Variants in VWA2 observed in about 807,000 individuals in gnomAD.
The protein encoded by VWA2 is von Willebrand factor A domain-containing protein 2.
A neutral mutation model predicts 70.4 loss-of-function variants in VWA2; 73 were observed. The ratio of observed to expected loss-of-function variants is 1.04; its 90% CI spans 0.86 to 1.26. The LOEUF (loss-of-function observed/expected upper bound fraction) is 1.26, where lower values mean the gene tolerates loss of function less well. Ranked by LOEUF, VWA2 falls within the 50% of genes most tolerant of loss-of-function variation. VWA2 has a pLI of 0.00. For synonymous variants in VWA2, 407 were observed against 423.3 expected (o/e 0.96, Z 0.47); for missense variants, 1,011 against 998.5 (o/e 1.01, Z -0.17).
At chr10:114,252,773 A>G (rs1473156589) in intron 2 of VWA2, among the ~76,000 whole-genome samples, 3 of 151,842 alleles carry the variant, frequency 2.0e-5, no homozygotes, top group African/African-American at 4.8e-5. Context: ...TAATTTTTGT[A>G]TTTTTAGTAG....
At chr10:114,263,664 C>G (rs1470928257) in intron 5 of VWA2, among the ~76,000 whole-genome samples, 4 of 151,972 alleles carry the variant, frequency 2.6e-5, no homozygotes, top group Non-Finnish European at 5.9e-5. Context: ...AGGCGTCTCC[C>G]CACCCTCCCC....
chr10:114,247,546 G>A (rs1410176938), intron 1 of VWA2, among the ~76,000 whole-genome samples: 1 of 152,102 alleles, frequency 6.6e-6, no homozygotes, highest in Non-Finnish European at 1.5e-5. Context: ...TGATCCACCT[G>A]CCTCGGCCTC....
chr10:114,246,550 T>C (rs2037077185), intron 1 of VWA2: 3 of 847,498 alleles, frequency 3.5e-6, no homozygotes, highest in South Asian at 2.9e-5. Flanking sequence ...TGAATTCACA[T>C]TCCCTGACTG....
chr10:114,255,839 C>T (rs1313394847), intron 4 of VWA2, among the ~76,000 whole-genome samples: 2 of 151,786 alleles, frequency 1.3e-5, no homozygotes, highest in African/African-American at 2.4e-5. Flanking sequence ...AAATGAAACA[C>T]GCAAGGCCTT....
At chr10:114,264,687 G>C (rs1589753159) in intron 5 of VWA2, among the ~76,000 whole-genome samples, 1 of 151,974 alleles carries the variant, frequency 6.6e-6, no homozygotes, top group East Asian at 1.9e-4. Context: ...CCAAAGTGCT[G>C]GAATTACAGG....
intron 5 of VWA2, among the ~76,000 whole-genome samples, chr10:114,264,767 T>G (rs963030478): frequency 1.3e-5 from 2 of 152,008 alleles, no homozygotes; most frequent in African/African-American, 2.4e-5. Flanking sequence ...TCGCCCTGGC[T>G]GGAGTGCAAT....
chr10:114,258,210 G>A (rs1042589516), intron 4 of VWA2, among the ~76,000 whole-genome samples: 2 of 152,130 alleles, frequency 1.3e-5, no homozygotes, highest in African/African-American at 4.8e-5. Context: ...GCATTTTTTT[G>A]TATTCTCTTT....
chr10:114,278,570 A>T, intron 7 of VWA2, 149 bp from the exon 8 acceptor site: 1 of 1,126,590 alleles, frequency 8.9e-7, no homozygotes, highest in Non-Finnish European at 1.3e-6. Context: ...ACCCAGAGAT[A>T]TGCCCTGACC....
chr10:114,250,020 C>A (rs2037162449), intron 2 of VWA2, among the ~76,000 whole-genome samples: 1 of 152,176 alleles, frequency 6.6e-6, no homozygotes, highest in Non-Finnish European at 1.5e-5. Context: ...CCCCTCATCC[C>A]AACACTGCCA....
At chr10:114,287,699 A>T (rs1030772165) in intron 11 of VWA2, among the ~76,000 whole-genome samples, 1 of 152,200 alleles carries the variant, frequency 6.6e-6, no homozygotes, top group Non-Finnish European at 1.5e-5. Flanking sequence ...TTTTTAAAAA[A>T]AATAATAGTT....
Position 114,288,999 on chromosome 10 carries a change from C to G in VWA2, c.1632C>G (p.Pro544=), listed in dbSNP as rs34757551. ...TGGACACCTCTGCCTCAGTAGGGCC[C>G]GAGAATTTTGCTCAGATGCAGAGCT... ...FMLDTSASVG[P]ENFAQMQSFV... Residue 544 remains proline, a synonymous_variant, in exon 12 of 14, where the codon CCC becomes CCG. Coordinates refer to ENST00000392982, the MANE Select transcript of VWA2 (RefSeq NM_001272046.2). 4 of 1,614,114 alleles carry G rather than the reference C, an allele frequency of 2.5e-6. No individual in the cohort carries two copies. Among genetic ancestry groups the G allele is most frequent in the South Asian group, 1.1e-5 (1 of 91,078 alleles).
At chr10:114,275,152 G>A (rs561916225) in intron 6 of VWA2, among the ~76,000 whole-genome samples, 1 of 152,106 alleles carries the variant, frequency 6.6e-6, no homozygotes, top group Non-Finnish European at 1.5e-5. Context: ...ATGACCAACG[G>A]GCCAGCAAGT....
At chr10:114,282,164 C>T (rs1460103226) in intron 8 of VWA2, among the ~76,000 whole-genome samples, 2 of 152,088 alleles carry the variant, frequency 1.3e-5, no homozygotes, top group African/African-American at 2.4e-5. Flanking sequence ...CCACCACGCC[C>T]AGCTAATTTT....
At chr10:114,249,502 C>T (rs556209993) in intron 2 of VWA2, among the ~76,000 whole-genome samples, 38 of 152,214 alleles carry the variant, frequency 2.5e-4, no homozygotes, top group African/African-American at 7.7e-4. Flanking sequence ...GTGATCTGAC[C>T]GTCTTGGCCT....
At chr10:114,252,610 T>C (rs1302329511) in intron 2 of VWA2, among the ~76,000 whole-genome samples, 2 of 152,090 alleles carry the variant, frequency 1.3e-5, no homozygotes, top group Non-Finnish European at 2.9e-5. Flanking sequence ...CCAGGTGCCC[T>C]GTACTGTGTG....
chr10:114,290,358 C>T lies in VWA2; in HGVS notation c.2241C>T (p.Cys747=), dbSNP rs527439886. 86 of 1,550,448 alleles carry T rather than the reference C, an allele frequency of 5.5e-5. No homozygotes were observed. Among genetic ancestry groups the T allele is most frequent in the African/African-American group, 4.8e-4 (35 of 73,152 alleles). ...KCRDGWEGPH[C]ENRFLRRP Reference sequence around the variant, plus strand: ...GGGATGGCTGGGAGGGCCCCCACTGCGAGAACCGTGAGTGGAGCTCTTGCT... The same window carrying T: ...GGGATGGCTGGGAGGGCCCCCACTGTGAGAACCGTGAGTGGAGCTCTTGCT... Residue 747 remains cysteine (C), a synonymous_variant, in exon 13 of 14, where the codon TGC becomes TGT. Transcript: ENST00000392982.
At chr10:114,274,258 G>A (rs984480368) in intron 6 of VWA2, among the ~76,000 whole-genome samples, 6 of 152,210 alleles carry the variant, frequency 3.9e-5, no homozygotes, top group Non-Finnish European at 8.8e-5. Flanking sequence ...TTGTGAGTAG[G>A]ATGACAGACA....
chr10:114,263,328 ATTTTTT>A (rs35723083), intron 5 of VWA2, among the ~76,000 whole-genome samples: 7 of 76,144 alleles, frequency 9.2e-5, no homozygotes, highest in African/African-American at 3.9e-4. Context: ...AATCTCCCCC[ATTTTTT>A]TTTTTTTTTT....
intron 11 of VWA2, 62 bp downstream of exon 11, chr10:114,286,573 C>T: frequency 5.0e-6 from 7 of 1,412,272 alleles, no homozygotes; most frequent in Non-Finnish European, 6.6e-6. Context: ...CTCCTTTTGG[C>T]CACCACCTAA....
Sources: allele counts gnomAD v4.1 joint callset (sites outside exome capture counted in the v4.1 genomes callset), GRCh38; gene constraint gnomAD v4.1.1; transcripts MANE v1.5; gene names NCBI Gene and HGNC (gene_info 2026-07-23, HGNC 2026-07-21).